Variants in DOCK9 observed in about 807,000 individuals in gnomAD.
DOCK9 encodes dedicator of cytokinesis protein 9.
Under a neutral mutation model 263.3 loss-of-function variants are expected in DOCK9, and 89 were observed. That is an observed-to-expected ratio of 0.34 (90% CI 0.28 to 0.40). The LOEUF (loss-of-function observed/expected upper bound fraction) is 0.40. DOCK9 is among the 10% of genes least tolerant of loss of function. The probability of loss-of-function intolerance (pLI) is 1.00; values close to 1 mark genes in which losing one functional copy is unlikely to be tolerated. For missense variants in DOCK9, 2,140 were observed against 2,603.4 expected (o/e 0.82, Z 3.87); for synonymous variants, 976 against 973.1 (o/e 1.00, Z -0.06).
chr13:98,880,724 T>C, intron 25 of DOCK9, 52 bp from the exon 26 acceptor site: 1 of 1,592,694 alleles, frequency 6.3e-7, no homozygotes, highest in Non-Finnish European at 8.6e-7. Flanking sequence ...CAATGTGGGC[T>C]GAAAGCTTGA....
chr13:98,818,226 C>T (rs180818188), intron 45 of DOCK9, among the ~76,000 whole-genome samples: 17 of 152,286 alleles, frequency 1.1e-4, no homozygotes, highest in Admixed American at 4.6e-4. Flanking sequence ...TAATCCTTTA[C>T]GGCTTCTGCA....
chr13:98,946,433 C>G (rs995996420), intron 2 of DOCK9, among the ~76,000 whole-genome samples: 4 of 152,148 alleles, frequency 2.6e-5, no homozygotes, highest in Admixed American at 2.6e-4. Flanking sequence ...ACCCAAGCTC[C>G]CCCTGCCCCA....
chr13:98,805,245 C>T (rs1448429199), intron 48 of DOCK9, 36 bp from the exon 49 acceptor site: 3 of 1,519,062 alleles, frequency 2.0e-6, no homozygotes, highest in South Asian at 2.4e-5. Flanking sequence ...GATTGGTGCT[C>T]CATGAAGGAA....
At chr13:99,088,393 A>G (rs148548772), upstream of DOCK9, 4,212 of 152,284 alleles carry the variant, frequency 0.028, 94 homozygotes, top group South Asian at 0.062. Context: ...CTCAGCTCGC[A>G]TTGACTCCTT....
chr13:98,830,783 G>A (rs1408249782), intron 41 of DOCK9, among the ~76,000 whole-genome samples: 2 of 152,118 alleles, frequency 1.3e-5, no homozygotes, highest in Non-Finnish European at 2.9e-5. Context: ...GGGTTGTTTT[G>A]TTCATGGTTG....
intron 45 of DOCK9, among the ~76,000 whole-genome samples, chr13:98,816,331 G>GAT: frequency 6.6e-6 from 1 of 152,190 alleles, no homozygotes; most frequent in South Asian, 2.1e-4. Context: ...GAAGAGACGT[G>GAT]ATATACATGG....
chr13:98,911,616 C>T (rs1252791471), intron 9 of DOCK9, among the ~76,000 whole-genome samples: 3 of 151,352 alleles, frequency 2.0e-5, no homozygotes, highest in Admixed American at 6.6e-5. Flanking sequence ...TTTTTCAGGT[C>T]GGGCGTAGTG....
intron 37 of DOCK9, 23 bp downstream of exon 37, chr13:98,848,569 C>A: frequency 1.2e-6 from 2 of 1,606,262 alleles, no homozygotes; most frequent in Middle Eastern, 1.7e-4. Context: ...CAACACGTTT[C>A]GAATGAAAAC....
chr13:98,797,617 A>G (rs1377766201), intron 50 of DOCK9, 128 bp from the exon 51 acceptor site: 1 of 745,834 alleles, frequency 1.3e-6, no homozygotes, highest in Non-Finnish European at 2.2e-6. Context: ...CCTTCCAGGA[A>G]CTTAAGCCCA....
intron 15 of DOCK9, among the ~76,000 whole-genome samples, chr13:98,890,921 A>C (rs762782522): frequency 6.6e-6 from 1 of 152,142 alleles, no homozygotes; most frequent in African/African-American, 2.4e-5. Context: ...TCTGAGTTTA[A>C]ATGAACAGTT....
At chr13:98,797,641 A>G (rs894671843) in intron 50 of DOCK9, among the ~76,000 whole-genome samples, 152 bp from the exon 51 acceptor site, 3 of 152,150 alleles carry the variant, frequency 2.0e-5, no homozygotes, top group Non-Finnish European at 4.4e-5. Flanking sequence ...AGAAACCACA[A>G]AGTTCACTCT....
At chr13:98,894,169 C>T (rs1595060386) in intron 15 of DOCK9, among the ~76,000 whole-genome samples, 1 of 152,218 alleles carries the variant, frequency 6.6e-6, no homozygotes, top group East Asian at 1.9e-4. Context: ...GGAGCCGCCA[C>T]TGTGGGGAAG....
intron 1 of DOCK9, among the ~76,000 whole-genome samples, chr13:98,989,316 A>AATG (rs10536129): frequency 0.055 from 7,629 of 137,886 alleles, 300 homozygotes; most frequent in Non-Finnish European, 0.08. Flanking sequence ...AATTAATAAT[A>AATG]ATGATGATGA....
chr13:99,042,897 A>G (rs1187165583), intron 1 of DOCK9, among the ~76,000 whole-genome samples: 2 of 152,072 alleles, frequency 1.3e-5, no homozygotes, highest in African/African-American at 4.8e-5. Context: ...TTTGCCATGT[A>G]GCCTGCTTCA....
At chr13:98,976,938 GAA>G (rs11307834) in intron 1 of DOCK9, among the ~76,000 whole-genome samples, 320 of 150,356 alleles carry the variant, frequency 2.1e-3, no homozygotes, top group Middle Eastern at 6.9e-3. Context: ...CCACGTTAAA[GAA>G]AAAAAAAAAT....
chr13:98,927,777 C>T (rs1257922066), intron 3 of DOCK9, among the ~76,000 whole-genome samples: 2 of 151,866 alleles, frequency 1.3e-5, no homozygotes, highest in Admixed American at 6.6e-5. Context: ...AACACCACGA[C>T]GCCTGGCTAC....
At position 99,085,959 on chromosome 13, in the gene DOCK9, T is replaced by C. The variant is rs550144963; in HGVS notation, c.129+264A>G. Among the ~76,000 whole-genome samples the C allele has an allele frequency of 2.3e-4, 35 of 152,200 alleles. No individual in the cohort carries two copies. In the East Asian group the frequency reaches 6.6e-3, roughly 29 times the overall value. On this transcript the variant is annotated intron_variant, in intron 1 of 32. Coordinates refer to the DOCK9 transcript ENST00000427887. ...AAAGAGTGACAGGGCGACATCACTC[T>C]GCGGAAATTTCCCAGGAGGAAGGGG... is the stretch of plus-strand genomic sequence containing the variant.
intron 1 of DOCK9, among the ~76,000 whole-genome samples, chr13:99,036,850 T>A (rs1198231699): frequency 6.6e-6 from 1 of 152,206 alleles, no homozygotes; most frequent in African/African-American, 2.4e-5. Flanking sequence ...TGGGATTTTT[T>A]TTATAGCAGC....
At chr13:98,873,587 T>C (rs1432866370) in intron 27 of DOCK9, among the ~76,000 whole-genome samples, 1 of 152,236 alleles carries the variant, frequency 6.6e-6, no homozygotes, top group Non-Finnish European at 1.5e-5. Flanking sequence ...GCAGTGCAAC[T>C]TCTGGGTCAT....
Sources: allele counts gnomAD v4.1 joint callset (sites outside exome capture counted in the v4.1 genomes callset), GRCh38; gene constraint gnomAD v4.1.1; transcripts MANE v1.5; gene names NCBI Gene and HGNC (gene_info 2026-07-23, HGNC 2026-07-21).